PRKN: variants seen among roughly 807,000 people sequenced by gnomAD.
The protein encoded by PRKN is E3 ubiquitin-protein ligase parkin.
A neutral mutation model predicts 59.5 loss-of-function variants in PRKN; 56 were observed. The observed-to-expected ratio is 0.94, with a 90% CI of 0.76 to 1.18. PRKN has a LOEUF of 1.18. Ranked by LOEUF, PRKN falls within the 50% of genes most tolerant of loss-of-function variation. The pLI is 0.00. For synonymous variants in PRKN, 250 were observed against 222.1 expected (o/e 1.13, Z -1.12); for missense variants, 657 against 596.4 (o/e 1.10, Z -1.06).
At chr6:162,699,015 A>T (rs1458333017) in intron 1 of PRKN, among the ~76,000 whole-genome samples, 4 of 149,654 alleles carry the variant, frequency 2.7e-5, no homozygotes, top group African/African-American at 1.0e-4. Context: ...TAATCATTTA[A>T]AAAATATTGT....
intron 4 of PRKN, among the ~76,000 whole-genome samples, chr6:162,195,816 G>C (rs926995562): frequency 6.6e-6 from 1 of 152,150 alleles, no homozygotes; most frequent in Non-Finnish European, 1.5e-5. Flanking sequence ...TGGTTACCTA[G>C]AGTTTGTCCT....
intron 9 of PRKN, among the ~76,000 whole-genome samples, chr6:161,416,495 C>G (rs1414652675): frequency 6.6e-6 from 1 of 152,068 alleles, no homozygotes. Context: ...TGCTAAACAA[C>G]TCACCCAAAG....
intron 6 of PRKN, among the ~76,000 whole-genome samples, chr6:161,927,708 G>T (rs1435805588): frequency 6.6e-6 from 1 of 151,730 alleles, no homozygotes; most frequent in East Asian, 1.9e-4. Flanking sequence ...TTGGGAGGCG[G>T]AAGTTGCAGT....
chr6:162,643,567 G>A (rs1778050913), intron 1 of PRKN, among the ~76,000 whole-genome samples: 1 of 152,006 alleles, frequency 6.6e-6, no homozygotes, highest in Admixed American at 6.6e-5. Context: ...TCCATTAATG[G>A]ACTCTTGCTG....
chr6:162,256,999 T>C (rs1259359133), intron 3 of PRKN, among the ~76,000 whole-genome samples: 3 of 152,318 alleles, frequency 2.0e-5, no homozygotes, highest in South Asian at 2.1e-4. Context: ...AGCAAAACAA[T>C]TCCCACAGAG....
At chr6:161,464,786 GTCTCT>G (rs1790376814) in intron 9 of PRKN, among the ~76,000 whole-genome samples, 1 of 152,190 alleles carries the variant, frequency 6.6e-6, no homozygotes, top group South Asian at 2.1e-4. Flanking sequence ...GGCCCCTAAG[GTCTCT>G]TATGAATCCC....
At chr6:161,811,357 C>T (rs1201337799) in intron 6 of PRKN, among the ~76,000 whole-genome samples, 1 of 152,088 alleles carries the variant, frequency 6.6e-6, no homozygotes, top group Non-Finnish European at 1.5e-5. Context: ...CAGTTTTAGA[C>T]ATCATCATAT....
chr6:162,351,087 G>C (rs1286079377), intron 2 of PRKN, among the ~76,000 whole-genome samples: 1 of 152,118 alleles, frequency 6.6e-6, no homozygotes, highest in African/African-American at 2.4e-5. Flanking sequence ...CTCTTCAGGA[G>C]GCTGAGATGG....
chr6:161,586,373 T>A (rs1420892078), intron 7 of PRKN, among the ~76,000 whole-genome samples: 2 of 152,174 alleles, frequency 1.3e-5, no homozygotes, highest in African/African-American at 4.8e-5. Flanking sequence ...CAGTGGGACT[T>A]GAGTTTTGGT....
intron 1 of PRKN, among the ~76,000 whole-genome samples, chr6:162,657,044 C>A (rs567127978): frequency 1.8e-4 from 28 of 152,284 alleles, no homozygotes; most frequent in Admixed American, 1.6e-3. Context: ...ATTTTACTGA[C>A]CCTTGAGGAC....
At chr6:162,514,272 C>CTT (rs35258634) in intron 1 of PRKN, among the ~76,000 whole-genome samples, 34 of 148,574 alleles carry the variant, frequency 2.3e-4, no homozygotes, top group East Asian at 3.9e-4. Context: ...TTGAAATTGA[C>CTT]TTTTTTTTTT....
Position 162,413,211 on chromosome 6 carries a change from G to GT in PRKN, c.171+30098dup, listed in dbSNP as rs201031997. ...AGACTAAAAACTCTCTGTACAGTCT[G>GT]TTTTTTTTATTGTTGTTTTTCTCAG... On this transcript the variant is annotated intron_variant, in intron 2 of 11. Coordinates refer to ENST00000366898, the MANE Select transcript of PRKN (RefSeq NM_004562.3). Among the ~76,000 whole-genome samples the GT allele has an allele frequency of 3.5e-3, 535 of 151,944 alleles. 9 individuals carry two copies. The East Asian group carries it at 0.059, about 17-fold the overall frequency.
At chr6:162,698,437 T>C (rs1299582655) in intron 1 of PRKN, among the ~76,000 whole-genome samples, 4 of 152,188 alleles carry the variant, frequency 2.6e-5, no homozygotes, top group African/African-American at 9.7e-5. Flanking sequence ...TTTACCCTTT[T>C]CTTCCTCTTT....
rs1371587217 is a variant in PRKN at position 162,671,197 on chromosome 6, T to C, written c.7+56465A>G. Reference sequence around the variant, plus strand: ...CTGCTTATTGATGAAAAATTACTTATAGGCATACTAAAGAAGAGTCAGGCC... The same window carrying C: ...CTGCTTATTGATGAAAAATTACTTACAGGCATACTAAAGAAGAGTCAGGCC... On this transcript the variant is annotated intron_variant, in intron 1 of 11. Transcript: ENST00000366898. Among the ~76,000 whole-genome samples the C allele has an allele frequency of 4.6e-5, 7 of 152,088 alleles. No homozygotes were observed. In the South Asian group the frequency reaches 8.3e-4, roughly 18 times the overall value.
intron 5 of PRKN, among the ~76,000 whole-genome samples, chr6:161,994,149 C>T (rs1781752779): frequency 6.6e-6 from 1 of 151,402 alleles, no homozygotes. Flanking sequence ...TGAGATTTTT[C>T]TCAGGGATGT....
At chr6:162,228,717 T>C (rs901383707) in intron 3 of PRKN, among the ~76,000 whole-genome samples, 2 of 152,190 alleles carry the variant, frequency 1.3e-5, no homozygotes, top group East Asian at 1.9e-4. Flanking sequence ...AACATGAAAA[T>C]TGACTCTACC....
At chr6:162,504,996 C>G (rs1793545863) in intron 1 of PRKN, among the ~76,000 whole-genome samples, 1 of 152,156 alleles carries the variant, frequency 6.6e-6, no homozygotes, top group Admixed American at 6.5e-5. Context: ...GCTGCCCCAT[C>G]TTATAGCCAT....
At chr6:161,494,644 C>G (rs1777676946) in intron 9 of PRKN, among the ~76,000 whole-genome samples, 1 of 152,198 alleles carries the variant, frequency 6.6e-6, no homozygotes, top group African/African-American at 2.4e-5. Flanking sequence ...TTTTAATGTG[C>G]TGATACTGTG....
At chr6:162,654,968 C>A (rs982476679) in intron 1 of PRKN, among the ~76,000 whole-genome samples, 5 of 152,016 alleles carry the variant, frequency 3.3e-5, no homozygotes, top group African/African-American at 1.2e-4. Flanking sequence ...ATCTTTCAAA[C>A]AAAAATAATG....
Sources: gnomAD v4.1 joint callset for allele counts (sites outside exome capture counted in the v4.1 genomes callset) on GRCh38, gnomAD v4.1.1 for gene constraint, MANE v1.5 for transcripts, NCBI Gene and HGNC (gene_info 2026-07-23, HGNC 2026-07-21) for gene names.